NALF1: variants seen among roughly 807,000 people sequenced by gnomAD.
The protein encoded by NALF1 is family with sequence similarity 155 member A.
In NALF1, 3 loss-of-function variants were observed where a neutral mutation model predicts 48.4. The observed-to-expected ratio is 0.06, with a 90% CI of 0.03 to 0.16. The LOEUF (loss-of-function observed/expected upper bound fraction) is 0.16, where lower values mean the gene tolerates loss of function less well. Among genes scored for constraint, NALF1 ranks in the 10% least tolerant of loss-of-function variants. The pLI is 1.00. For synonymous variants in NALF1, 262 were observed against 245.7 expected, an observed-to-expected ratio of 1.07 and a Z score of -0.62; for missense variants, 526 against 571.5, an observed-to-expected ratio of 0.92 and a Z score of 0.81.
chr13:107,410,171 T>G (rs1594047712), intron 1 of NALF1, among the ~76,000 whole-genome samples: 2 of 152,140 alleles, frequency 1.3e-5, no homozygotes, highest in Non-Finnish European at 2.9e-5. Flanking sequence ...CAGGAAAGAT[T>G]TTTTTCTTTT....
At chr13:107,801,286 G>A (rs999574567) in intron 1 of NALF1, among the ~76,000 whole-genome samples, 2 of 152,110 alleles carry the variant, frequency 1.3e-5, no homozygotes, top group Admixed American at 6.6e-5. Flanking sequence ...TTTCTTCTGA[G>A]GTACCCATGC....
chr13:107,488,052 T>C (rs1885357310), intron 1 of NALF1, among the ~76,000 whole-genome samples: 1 of 152,098 alleles, frequency 6.6e-6, no homozygotes, highest in Admixed American at 6.6e-5. Flanking sequence ...CTAGTTTATA[T>C]GCATAGAGAT....
At chr13:107,553,259 T>G (rs1038389374) in intron 1 of NALF1, among the ~76,000 whole-genome samples, 3 of 152,190 alleles carry the variant, frequency 2.0e-5, no homozygotes, top group Non-Finnish European at 4.4e-5. Context: ...CCCCTTGTAA[T>G]GAATGTACTT....
chr13:107,221,653 G>A (rs937511096), intron 1 of NALF1, among the ~76,000 whole-genome samples: 1 of 152,118 alleles, frequency 6.6e-6, no homozygotes, highest in South Asian at 2.1e-4. Flanking sequence ...TCAATGCACG[G>A]TATCTGTGAT....
At chr13:107,226,069 A>G (rs573745715) in intron 1 of NALF1, among the ~76,000 whole-genome samples, 43 of 152,216 alleles carry the variant, frequency 2.8e-4, no homozygotes, top group African/African-American at 9.9e-4. Context: ...CCCTGCATAA[A>G]GGTCGTTTTC....
intron 1 of NALF1, among the ~76,000 whole-genome samples, chr13:107,594,259 C>T (rs1217539844): frequency 6.6e-6 from 1 of 152,032 alleles, no homozygotes; most frequent in African/African-American, 2.4e-5. Flanking sequence ...CATCAATTCC[C>T]CTATTAACAC....
At chr13:107,570,978 T>C (rs1167156295) in intron 1 of NALF1, among the ~76,000 whole-genome samples, 1 of 152,230 alleles carries the variant, frequency 6.6e-6, no homozygotes, top group African/African-American at 2.4e-5. Context: ...TTAGTTCTTA[T>C]GAATTGCTAT....
At chr13:107,760,385 G>C (rs1217460139) in intron 1 of NALF1, among the ~76,000 whole-genome samples, 2 of 152,116 alleles carry the variant, frequency 1.3e-5, no homozygotes, top group East Asian at 1.9e-4. Context: ...ATCTGTAGAA[G>C]GAAAGCACCA....
chr13:107,608,644 C>T (rs577332792), intron 1 of NALF1, among the ~76,000 whole-genome samples: 11 of 152,222 alleles, frequency 7.2e-5, no homozygotes, highest in South Asian at 2.1e-4. Flanking sequence ...GTGTAAGCAA[C>T]GGTTGCAGGG....
intron 1 of NALF1, among the ~76,000 whole-genome samples, chr13:107,854,629 T>G (rs1444382770): frequency 6.6e-6 from 1 of 152,026 alleles, no homozygotes; most frequent in Non-Finnish European, 1.5e-5. Flanking sequence ...TCTCAACACT[T>G]TGGGAGGCCG....
In NALF1 at chr13:107,715,482, G is replaced by A. The variant is rs9301252; in HGVS notation, c.915+150200C>T. Among the ~76,000 whole-genome samples the A allele has an allele frequency of 1.4e-4, 22 of 152,270 alleles. No homozygotes were observed. The East Asian group carries it at 2.9e-3, about 20-fold the overall frequency. On this transcript the variant is annotated intron_variant, in intron 1 of 2. Transcript: ENST00000375915. The stretch of plus-strand genomic sequence containing the variant: ...CTCCCAAAGTGCTGGGATTATAGGC[G>A]TGAGCCACCGTCCCCGGCCTTTTAT...
At chr13:107,498,271 T>G (rs902610288) in intron 1 of NALF1, among the ~76,000 whole-genome samples, 2 of 150,092 alleles carry the variant, frequency 1.3e-5, no homozygotes, top group Non-Finnish European at 3.0e-5. Context: ...TGTCAAACCG[T>G]AGAAAGTTCA....
At chr13:107,266,914 G>C (rs1881050429) in intron 1 of NALF1, among the ~76,000 whole-genome samples, 1 of 152,110 alleles carries the variant, frequency 6.6e-6, no homozygotes, top group Non-Finnish European at 1.5e-5. Context: ...TTCTGATATG[G>C]GATGTACAGT....
In NALF1 at chr13:107,167,444, T is replaced by G. The variant is rs1365268835; in HGVS notation, c.*3053A>C. On this transcript the variant is annotated 3_prime_UTR_variant, in exon 3 of 3. Transcript: ENST00000375915. ...TGAGCTTGGGAAAGGAGTCGTTGCCTATTTGGATCCTCTGCCTGACCCCAG... is the reference window on the plus strand; with the variant it reads ...TGAGCTTGGGAAAGGAGTCGTTGCCGATTTGGATCCTCTGCCTGACCCCAG... 6.6e-6 allele frequency: 1 copy of G among 152,244 alleles called. No homozygotes were observed. The highest frequency in any genetic ancestry group is 1.5e-5 in the Non-Finnish European group (1 of 68,046). The allele number at this position is 152,244 out of a possible 1,614,324, so 9.4% of individuals were successfully genotyped here.
At chr13:107,701,090 A>G (rs1020895590) in intron 1 of NALF1, among the ~76,000 whole-genome samples, 3 of 152,170 alleles carry the variant, frequency 2.0e-5, no homozygotes, top group Non-Finnish European at 2.9e-5. Flanking sequence ...CCTAAATAAA[A>G]GAAAAATAAA....
chr13:107,580,321 G>A (rs1594140492), intron 1 of NALF1, among the ~76,000 whole-genome samples: 1 of 152,276 alleles, frequency 6.6e-6, no homozygotes, highest in Non-Finnish European at 1.5e-5. Context: ...CTCCATTAAT[G>A]TCTTCCTTTT....
At chr13:107,664,942 C>G (rs1427049806) in intron 1 of NALF1, among the ~76,000 whole-genome samples, 1 of 150,302 alleles carries the variant, frequency 6.7e-6, no homozygotes, top group Non-Finnish European at 1.5e-5. Context: ...ACAAACCACT[C>G]AGAACAACAC....
intron 1 of NALF1, among the ~76,000 whole-genome samples, chr13:107,743,344 T>A (rs997658702): frequency 1.3e-5 from 2 of 152,184 alleles, no homozygotes. Flanking sequence ...AACTTTCAGA[T>A]GAATCAGCCT....
intron 1 of NALF1, among the ~76,000 whole-genome samples, chr13:107,503,761 G>A (rs542803291): frequency 7.3e-6 from 1 of 137,236 alleles, no homozygotes; most frequent in Admixed American, 7.0e-5. Flanking sequence ...GTTTGTGTGT[G>A]TGTGTGTGTG....
Sources: allele counts gnomAD v4.1 joint callset (sites outside exome capture counted in the v4.1 genomes callset), GRCh38; gene constraint gnomAD v4.1.1; transcripts MANE v1.5; gene names NCBI Gene and HGNC (gene_info 2026-07-23, HGNC 2026-07-21).